TBPL1: variants seen among roughly 807,000 people sequenced by gnomAD.
TBPL1 encodes the protein TATA-box binding protein like 1, also known as TATA box-binding protein-like 1.
TBPL1 carries 4 observed loss-of-function variants against 22.1 expected under a neutral mutation model. The observed-to-expected ratio is 0.18, with a 90% CI of 0.09 to 0.41. TBPL1 has a LOEUF of 0.41. Among genes scored for constraint, TBPL1 ranks in the 10% least tolerant of loss-of-function variants. TBPL1 has a pLI of 1.00. For missense variants in TBPL1, 115 were observed against 222.3 expected, an observed-to-expected ratio of 0.52 and a Z score of 3.07; for synonymous variants, 64 against 71.0, an observed-to-expected ratio of 0.90 and a Z score of 0.50.
chr6:133,976,679 G>A (rs77816627), intron 1 of TBPL1, among the ~76,000 whole-genome samples: 307 of 152,244 alleles, frequency 2.0e-3, no homozygotes, highest in African/African-American at 7.1e-3. Flanking sequence ...TAGGCAATCA[G>A]ATGCTTTGTA....
chr6:133,960,118 T>G (rs1274565864), intron 1 of TBPL1, among the ~76,000 whole-genome samples: 1 of 152,204 alleles, frequency 6.6e-6, no homozygotes, highest in Non-Finnish European at 1.5e-5. Flanking sequence ...AAAGTTGTAA[T>G]GAGCATACCT....
At chr6:133,983,023 A>T in intron 4 of TBPL1, 143 bp downstream of exon 4, 1 of 734,998 alleles carries the variant, frequency 1.4e-6, no homozygotes, top group Non-Finnish European at 2.0e-6. Flanking sequence ...ACTGCCCTTC[A>T]GTGTGAAAAT....
intron 1 of TBPL1, among the ~76,000 whole-genome samples, chr6:133,976,536 G>T (rs1776314582): frequency 6.6e-6 from 1 of 152,012 alleles, no homozygotes; most frequent in African/African-American, 2.4e-5. Context: ...TGTTTTTCTT[G>T]TTTTAATTTA....
At chr6:133,985,315 T>A (rs1317741342) in intron 6 of TBPL1, among the ~76,000 whole-genome samples, 6,927 of 43,970 alleles carry the variant, frequency 0.16, 2,106 homozygotes, top group Non-Finnish European at 0.28. Context: ...TATATATATA[T>A]ATATATATAT....
intron 1 of TBPL1, among the ~76,000 whole-genome samples, chr6:133,962,187 G>C (rs1177719836): frequency 6.6e-6 from 1 of 152,150 alleles, no homozygotes; most frequent in Non-Finnish European, 1.5e-5. Context: ...TCGGGGGTGG[G>C]AAGTCCACTG....
intron 1 of TBPL1, among the ~76,000 whole-genome samples, chr6:133,954,049 T>G (rs1460531582): frequency 6.6e-6 from 1 of 151,926 alleles, no homozygotes; most frequent in Non-Finnish European, 1.5e-5. Context: ...TCGGGATAAG[T>G]GATAAAAATA....
chr6:133,974,024 A>C (rs1007464275), intron 1 of TBPL1, among the ~76,000 whole-genome samples: 1 of 148,726 alleles, frequency 6.7e-6, no homozygotes, highest in Admixed American at 6.7e-5. Context: ...AAAAAAAGTC[A>C]CCCTGCTGTG....
At chr6:133,986,910 T>C in intron 6 of TBPL1, 51 bp from the exon 7 acceptor site, 2 of 1,292,594 alleles carry the variant, frequency 1.5e-6, no homozygotes, top group Non-Finnish European at 2.2e-6. Context: ...TTTTTCCTAG[T>C]GCTCCCTTTT....
In TBPL1 at chr6:133,989,904, C is replaced by T. The variant is rs915456424; in HGVS notation, c.*2864C>T. The T allele has an allele frequency of 1.3e-5, 2 of 152,140 alleles. No individual in the cohort carries two copies. Among genetic ancestry groups the T allele is most frequent in the Non-Finnish European group, 2.9e-5 (2 of 68,006 alleles). 9.4% of individuals were successfully genotyped at this position (152,140 alleles called of 1,614,324 possible). Reference sequence around the variant, plus strand: ...AAATTCTTTTTCAAGTTAGGTTGTTCGTGCTTTTAAGTTTTTTGTGTGTCT... The same window carrying T: ...AAATTCTTTTTCAAGTTAGGTTGTTTGTGCTTTTAAGTTTTTTGTGTGTCT... On this transcript the variant is annotated 3_prime_UTR_variant, in exon 7 of 7. Coordinates refer to ENST00000237264, the MANE Select transcript of TBPL1 (RefSeq NM_004865.4).
At chr6:133,970,826 T>C (rs1235832166) in intron 1 of TBPL1, among the ~76,000 whole-genome samples, 1 of 152,126 alleles carries the variant, frequency 6.6e-6, no homozygotes, top group Non-Finnish European at 1.5e-5. Context: ...GTTTTTTATT[T>C]TTTAATTGAC....
At chr6:133,952,379 G>A (rs1775846834), upstream of TBPL1, 1 of 152,812 alleles carries the variant, frequency 6.5e-6, no homozygotes, top group East Asian at 1.9e-4. This position sits in a 1 kb window ranked among gnomAD's most constrained non-coding sequence, Gnocchi z 4.5. Flanking sequence ...CTGAGTCCTC[G>A]CCAGCATCCG....
intron 1 of TBPL1, among the ~76,000 whole-genome samples, chr6:133,966,928 T>C (rs1776129934): frequency 6.6e-6 from 1 of 152,248 alleles, no homozygotes; most frequent in Admixed American, 6.5e-5. Context: ...GATACATTTT[T>C]ATAATGCAAA....
chr6:133,975,060 AAG>A (rs1243198671), intron 1 of TBPL1, among the ~76,000 whole-genome samples: 3 of 152,310 alleles, frequency 2.0e-5, no homozygotes, highest in South Asian at 4.1e-4. Context: ...AAATTAGAAA[AAG>A]AATATATTAA....
At position 133,988,507 on chromosome 6, in the gene TBPL1, C is replaced by T. The variant is rs190835768; in HGVS notation, c.*1467C>T. On this transcript the variant is annotated 3_prime_UTR_variant, in exon 7 of 7. Coordinates refer to ENST00000237264, the MANE Select transcript of TBPL1 (RefSeq NM_004865.4). ...TTAAACCTTTGTGGAAAAATTGCAA[C>T]ATCCTAATCTCCATATATAGTACAT... The T allele has an allele frequency of 6.6e-6, 1 of 152,298 alleles. No individual in the cohort carries two copies. Among genetic ancestry groups the T allele is most frequent in the East Asian group, 1.9e-4 (1 of 5,188 alleles). The allele number at this position is 152,298 out of a possible 1,614,324, so 9.4% of individuals were successfully genotyped here. A position where few individuals can be genotyped will look rare whatever the true frequency, so the allele number is the denominator to read the frequency against.
rs1776579885 is a variant in TBPL1 at position 133,989,020 on chromosome 6, G to A, written c.*1980G>A. On this transcript the variant is annotated 3_prime_UTR_variant, in exon 7 of 7. Coordinates refer to ENST00000237264, the MANE Select transcript of TBPL1 (RefSeq NM_004865.4). The stretch of plus-strand genomic sequence containing the variant: ...AAACTGGGCAGATCAATAGATAATC[G>A]AAGTGCTTTATCTGAAGGGAGAGGG... 2 of 152,014 alleles carry A rather than the reference G, an allele frequency of 1.3e-5. No individual in the cohort carries two copies. Among genetic ancestry groups the A allele is most frequent in the African/African-American group, 4.8e-5 (2 of 41,374 alleles). The allele number at this position is 152,014 out of a possible 1,614,324, so 9.4% of individuals were successfully genotyped here.
At chr6:133,972,715 C>T (rs1776246397) in intron 1 of TBPL1, among the ~76,000 whole-genome samples, 1 of 151,888 alleles carries the variant, frequency 6.6e-6, no homozygotes, top group East Asian at 1.9e-4. Context: ...TTTTTTTCCC[C>T]TCATCTGTAA....
Position 133,987,078 on chromosome 6 carries a change from C to G in TBPL1, c.*38C>G, listed in dbSNP as rs117173630. 6.2e-3 allele frequency: 9,006 copies of G among 1,457,094 alleles called. 40 individuals carry two copies. The highest frequency in any genetic ancestry group is 7.4e-3 in the Non-Finnish European group (7,730 of 1,049,398). The allele number at this position is 1,457,094 out of a possible 1,614,324, so 90.3% of individuals were successfully genotyped here. A position where few individuals can be genotyped will look rare whatever the true frequency, so the allele number is the denominator to read the frequency against. On this transcript the variant is annotated 3_prime_UTR_variant, in exon 7 of 7. Coordinates refer to ENST00000237264, the MANE Select transcript of TBPL1 (RefSeq NM_004865.4). ...TTGGTTAGAATCTCTAACTGAGCAC[C>G]TTTTAAACCTGCTGCACATTGGACT...
intron 1 of TBPL1, among the ~76,000 whole-genome samples, chr6:133,966,074 G>A (rs948904470): frequency 2.6e-5 from 4 of 152,144 alleles, no homozygotes; most frequent in African/African-American, 9.7e-5. Context: ...GAGACAGAGA[G>A]AGACAGAAAG....
At chr6:133,960,414 C>A (rs976242480) in intron 1 of TBPL1, among the ~76,000 whole-genome samples, 2 of 146,828 alleles carry the variant, frequency 1.4e-5, no homozygotes, top group Non-Finnish European at 3.0e-5. Flanking sequence ...TTTGGCTGAC[C>A]AGCCTTTTTT....
Sources: allele counts gnomAD v4.1 joint callset (sites outside exome capture counted in the v4.1 genomes callset), GRCh38; gene constraint gnomAD v4.1.1; non-coding constraint Gnocchi (gnomAD v3.1); transcripts MANE v1.5; gene names NCBI Gene and HGNC (gene_info 2026-07-23, HGNC 2026-07-21).